The following GTF3C1 variants were observed in gnomAD, a reference collection of about 807,000 sequenced individuals.
The protein encoded by GTF3C1 is general transcription factor 3C polypeptide 1.
A neutral mutation model predicts 226.7 loss-of-function variants in GTF3C1; 57 were observed. That is an observed-to-expected ratio of 0.25 (90% confidence interval 0.20 to 0.31). GTF3C1 has a LOEUF of 0.31. GTF3C1 is among the 10% of genes least tolerant of loss of function. The probability of loss-of-function intolerance (pLI) is 1.00; values close to 1 mark genes in which losing one functional copy is unlikely to be tolerated. For missense variants in GTF3C1, 2,217 were observed against 2,776.1 expected (o/e 0.80, Z 4.53); for synonymous variants, 1,090 against 1,084.8 (o/e 1.00, Z -0.09).
At chr16:27,525,115 C>T (rs972359909) in intron 6 of GTF3C1, among the ~76,000 whole-genome samples, 2 of 150,906 alleles carry the variant, frequency 1.3e-5, no homozygotes, top group Non-Finnish European at 2.9e-5. Context: ...CATGCAACTG[C>T]ACTCCAGCCT....
At chr16:27,465,612 C>T in intron 32 of GTF3C1, 72 bp from the exon 33 acceptor site, 1 of 1,240,112 alleles carries the variant, frequency 8.1e-7, no homozygotes, top group Non-Finnish European at 1.1e-6. Context: ...GCACAGGCCA[C>T]ACCCAGGAAA....
intron 6 of GTF3C1, among the ~76,000 whole-genome samples, chr16:27,515,730 T>C (rs1178679342): frequency 6.6e-6 from 1 of 152,206 alleles, no homozygotes; most frequent in Non-Finnish European, 1.5e-5. Context: ...TGTTTTCCGA[T>C]CTGCAAAATG....
chr16:27,509,750 TC>T (rs2088545064), intron 7 of GTF3C1, among the ~76,000 whole-genome samples: 1 of 114,980 alleles, frequency 8.7e-6, no homozygotes, highest in Admixed American at 1.1e-4. Flanking sequence ...AGAGTGAGAC[TC>T]CGTCTCAAAA....
At chr16:27,536,672 C>T (rs1042819361) in intron 4 of GTF3C1, among the ~76,000 whole-genome samples, 2 of 152,150 alleles carry the variant, frequency 1.3e-5, no homozygotes, top group African/African-American at 4.8e-5. Flanking sequence ...TAATCATTCC[C>T]CCCACTTTTG....
At chr16:27,535,413 A>C (rs1484360079) in intron 4 of GTF3C1, among the ~76,000 whole-genome samples, 2 of 152,122 alleles carry the variant, frequency 1.3e-5, no homozygotes, top group Non-Finnish European at 2.9e-5. Flanking sequence ...TCTCTACTAA[A>C]AATACAAAAA....
chr16:27,521,266 G>A (rs959479454), intron 6 of GTF3C1, among the ~76,000 whole-genome samples: 2 of 152,202 alleles, frequency 1.3e-5, no homozygotes, highest in Admixed American at 6.5e-5. Context: ...TCTTCCTAGC[G>A]CAGGGAGCAT....
rs2087864288 is a variant in GTF3C1 at position 27,471,254 on chromosome 16, AC to A, written c.4526+493del. 6.6e-6 allele frequency among the ~76,000 whole-genome samples: 1 copy of A among 152,182 alleles called. No homozygotes were observed. The highest frequency in any genetic ancestry group is 2.1e-4 in the South Asian group (1 of 4,836). On this transcript the variant is annotated intron_variant, in intron 30 of 36. Coordinates refer to ENST00000356183, the MANE Select transcript of GTF3C1 (RefSeq NM_001520.4). This position sits in a 1 kb window ranked among gnomAD's most constrained non-coding sequence, Gnocchi z 5.0. ...GTGTGGTCAGGAGGCTGGTGGTGCA[AC>A]GCCCTCTGCGGCATGAAGCCACACT... is the stretch of plus-strand genomic sequence containing the variant.
intron 23 of GTF3C1, 63 bp from the exon 24 acceptor site, chr16:27,486,217 C>T: frequency 2.1e-6 from 2 of 934,992 alleles, no homozygotes; most frequent in South Asian, 3.1e-5. Flanking sequence ...TGTCACTCTG[C>T]AGAGGGGCAG....
Position 27,549,657 on chromosome 16 carries a change from GC to G in GTF3C1, c.221+12del. 1 of 1,418,348 alleles carries G rather than the reference GC, an allele frequency of 7.1e-7. No individual in the cohort carries two copies. The highest frequency in any genetic ancestry group is 9.6e-7 in the Non-Finnish European group (1 of 1,040,788). The allele number at this position is 1,418,348 out of a possible 1,614,324, so 87.9% of individuals were successfully genotyped here. On this transcript the variant is annotated intron_variant, in intron 1 of 36. Transcript: ENST00000356183. Reference sequence around the variant, plus strand: ...CCCGCCCGCCCGCCCGCCAGGCCAGGCCGCCCGCTGACCGGTCCTGGAGCTG... The same window carrying G: ...CCCGCCCGCCCGCCCGCCAGGCCAGGCGCCCGCTGACCGGTCCTGGAGCTG...
At chr16:27,484,735 C>A (rs538940071) in intron 24 of GTF3C1, among the ~76,000 whole-genome samples, 4 of 152,364 alleles carry the variant, frequency 2.6e-5, no homozygotes, top group African/African-American at 9.6e-5. Flanking sequence ...TGCTCAGAAA[C>A]GTTCTGTATG....
chr16:27,508,516 T>C (rs2088521955), intron 8 of GTF3C1, 24 bp downstream of exon 8: 1 of 1,528,880 alleles, frequency 6.5e-7, no homozygotes, highest in Non-Finnish European at 9.1e-7. Flanking sequence ...ACAACGAGTG[T>C]TGGGGGAAGG....
rs916564332 is a variant in GTF3C1, at chr16:27,489,180, TAA to T, written c.3294-4_3294-3del. The T allele has an allele frequency of 5.0e-5, 81 of 1,613,626 alleles. No individual in the cohort carries two copies. Among genetic ancestry groups the T allele is most frequent in the Non-Finnish European group, 6.5e-5 (77 of 1,179,778 alleles). ...TCATCCACCACCTCACGGCTTCCAC[TAA>T]AAGACAGGAAATCAACAGAAAAGAG... is the stretch of plus-strand genomic sequence containing the variant. On this transcript the variant is annotated splice_region_variant and splice_polypyrimidine_tract_variant and intron_variant, in intron 20 of 36. Coordinates refer to ENST00000356183, the MANE Select transcript of GTF3C1 (RefSeq NM_001520.4).
chr16:27,465,275 G>A lies in GTF3C1; in HGVS notation c.5340C>T (p.Phe1780=), dbSNP rs762257468. 18 of 1,614,066 alleles carry A rather than the reference G, an allele frequency of 1.1e-5. 1 individual carries two copies. Among genetic ancestry groups the A allele is most frequent in the South Asian group, 3.3e-5 (3 of 91,084 alleles). Residue 1780 remains phenylalanine, a synonymous_variant, in exon 33 of 37, where the codon TTC becomes TTT. Coordinates refer to ENST00000356183, the MANE Select transcript of GTF3C1 (RefSeq NM_001520.4). ...CACAGCTCACCTGGATGCAATCTGC[G>A]AATGTCCTGGTGCGCCCACCACCTG... ...EKAGGGRTRT[F]ADCIQALLEQ...
At chr16:27,523,063 C>T (rs2088774853) in intron 6 of GTF3C1, among the ~76,000 whole-genome samples, 2 of 152,176 alleles carry the variant, frequency 1.3e-5, no homozygotes, top group African/African-American at 4.8e-5. Flanking sequence ...AAAACCTAGC[C>T]AGTTGACCAC....
At chr16:27,537,302 T>C (rs913509762) in intron 4 of GTF3C1, among the ~76,000 whole-genome samples, 1 of 152,258 alleles carries the variant, frequency 6.6e-6, no homozygotes, top group African/African-American at 2.4e-5. Flanking sequence ...TTTCCTTCTT[T>C]TCTGTATAGT....
At chr16:27,528,242 TA>T (rs2088862297) in intron 6 of GTF3C1, among the ~76,000 whole-genome samples, 1 of 151,934 alleles carries the variant, frequency 6.6e-6, no homozygotes, top group Admixed American at 6.6e-5. Flanking sequence ...ACCACTGCAC[TA>T]TGGGCGACAA....
Position 27,462,025 on chromosome 16 carries a change from G to A in GTF3C1, c.6117+269C>T. 1 of 476,850 alleles carries A rather than the reference G, an allele frequency of 2.1e-6. No homozygotes were observed. Among genetic ancestry groups the A allele is most frequent in the Non-Finnish European group, 3.8e-6 (1 of 266,270 alleles). 29.5% of individuals were successfully genotyped at this position (476,850 alleles called of 1,614,324 possible). A position where few individuals can be genotyped will look rare whatever the true frequency, so the allele number is the denominator to read the frequency against. On this transcript the variant is annotated intron_variant, in intron 36 of 36. Transcript: ENST00000356183. The surrounding 1 kb of genome is among the most constrained non-coding windows in gnomAD (Gnocchi z 4.5). ...GCTGCTTGACCCGTGGGGCCCGGCG[G>A]ACTCATGAGTTAGTGACCCCTGGCA...
At chr16:27,495,052 A>C in intron 15 of GTF3C1, 144 bp from the exon 16 acceptor site, 1 of 886,550 alleles carries the variant, frequency 1.1e-6, no homozygotes, top group Non-Finnish European at 1.8e-6. Flanking sequence ...AAGGAAGATG[A>C]GGAAGAAAGC....
rs2087695287 is a variant in GTF3C1, at chr16:27,461,055, G to A, written c.*295C>T. On this transcript the variant is annotated 3_prime_UTR_variant, in exon 37 of 37. Coordinates refer to ENST00000356183, the MANE Select transcript of GTF3C1 (RefSeq NM_001520.4). This position sits in a 1 kb window ranked among gnomAD's most constrained non-coding sequence, Gnocchi z 5.3. Reference sequence around the variant, plus strand: ...AGTCTGGAATGTGAGGTGTGCACAGGCGGGGCAAACTCTGGAGACCCAGAG... The same window carrying A: ...AGTCTGGAATGTGAGGTGTGCACAGACGGGGCAAACTCTGGAGACCCAGAG... 1 of 344,890 alleles carries A rather than the reference G, an allele frequency of 2.9e-6. No homozygotes were observed. The highest frequency in any genetic ancestry group is 2.0e-5 in the African/African-American group (1 of 49,600). 21.4% of individuals were successfully genotyped at this position (344,890 alleles called of 1,614,324 possible).
Sources: allele counts gnomAD v4.1 joint callset (sites outside exome capture counted in the v4.1 genomes callset), GRCh38; gene constraint gnomAD v4.1.1; non-coding constraint Gnocchi (gnomAD v3.1); transcripts MANE v1.5; gene names NCBI Gene and HGNC (gene_info 2026-07-23, HGNC 2026-07-21).